CDH13: variants seen among roughly 807,000 people sequenced by gnomAD.
The protein encoded by CDH13 is cadherin-13.
A neutral mutation model predicts 63.8 loss-of-function variants in CDH13; 24 were observed. That is an observed-to-expected ratio of 0.38 (90% CI 0.27 to 0.53). CDH13 has a LOEUF of 0.53. Among genes scored for constraint, CDH13 ranks in the 20% least tolerant of loss-of-function variants. CDH13 has a pLI of 0.85. For missense variants in CDH13, 1,049 were observed against 903.1 expected (o/e 1.16, Z -2.07); for synonymous variants, 503 against 355.3 (o/e 1.42, Z -4.67).
rs370762119 is a variant in CDH13, at chr16:83,696,288, C to T, written c.1538+17827C>T. ...TCATGCTCAGTAGAGTGTGCAGGTTCGTTAAACACCTGTGATATCTTTTTA... is the reference window on the plus strand; with the variant it reads ...TCATGCTCAGTAGAGTGTGCAGGTTTGTTAAACACCTGTGATATCTTTTTA... On this transcript the variant is annotated intron_variant, in intron 10 of 13. Coordinates refer to ENST00000567109, the MANE Select transcript of CDH13 (RefSeq NM_001257.5). Among the ~76,000 whole-genome samples, 9 of 152,214 alleles carry T rather than the reference C, an allele frequency of 5.9e-5. No homozygotes were observed. In the South Asian group the frequency reaches 6.2e-4, roughly 11 times the overall value.
chr16:82,904,699 T>C (rs9922147), intron 2 of CDH13, among the ~76,000 whole-genome samples: 123,394 of 152,050 alleles, frequency 0.81, 50,356 homozygotes, highest in African/African-American at 0.89. Flanking sequence ...TGCAGCCTCC[T>C]CTCCCATCAC....
At chr16:83,162,106 G>T (rs150527153) in intron 4 of CDH13, among the ~76,000 whole-genome samples, 1 of 152,324 alleles carries the variant, frequency 6.6e-6, no homozygotes, top group African/African-American at 2.4e-5. Context: ...CTGCTTCTCA[G>T]ACGTGGCATT....
intron 7 of CDH13, among the ~76,000 whole-genome samples, chr16:83,578,609 C>A (rs562335856): frequency 6.6e-6 from 1 of 152,282 alleles, no homozygotes; most frequent in South Asian, 2.1e-4. Context: ...CAGGCATTGA[C>A]TCCACTGATG....
intron 1 of CDH13, among the ~76,000 whole-genome samples, chr16:82,758,954 C>T (rs913560336): frequency 6.6e-6 from 1 of 152,190 alleles, no homozygotes. Flanking sequence ...TTCTGCTAGT[C>T]CTTTGGTCCA....
chr16:82,684,647 G>C (rs1020164807), intron 1 of CDH13, among the ~76,000 whole-genome samples: 19 of 151,940 alleles, frequency 1.3e-4, no homozygotes, highest in African/African-American at 4.6e-4. Flanking sequence ...CCTACCTGGA[G>C]TCTCTACTGG....
chr16:83,697,168 G>T (rs951032439), intron 10 of CDH13, among the ~76,000 whole-genome samples: 1 of 152,134 alleles, frequency 6.6e-6, no homozygotes, highest in Non-Finnish European at 1.5e-5. Context: ...AATACTCATG[G>T]CGCTTTCATG....
intron 6 of CDH13, among the ~76,000 whole-genome samples, chr16:83,385,587 C>A (rs764478456): frequency 6.6e-6 from 1 of 152,158 alleles, no homozygotes; most frequent in African/African-American, 2.4e-5. Context: ...TACTCTAGAA[C>A]ATGGGGTCTC....
rs184890528 is a variant in CDH13, at chr16:83,707,148, T to C, written c.1538+28687T>C. On this transcript the variant is annotated intron_variant, in intron 10 of 13. Coordinates refer to ENST00000567109, the MANE Select transcript of CDH13 (RefSeq NM_001257.5). ...ACTGTTCCCGCTTCCCAATATGCCA[T>C]GCATGTTCACGCTCCAGAACTTGAC... Among the ~76,000 whole-genome samples the C allele has an allele frequency of 4.7e-3, 723 of 152,314 alleles. 6 individuals are homozygous for C. Among genetic ancestry groups the C allele is most frequent in the African/African-American group, 0.017 (697 of 41,570 alleles).
At chr16:82,627,203 G>A in intron 1 of CDH13, 66 bp downstream of exon 1, 1 of 1,439,450 alleles carries the variant, frequency 6.9e-7, no homozygotes, top group Admixed American at 1.9e-5. Flanking sequence ...CCCGGCACGG[G>A]CAGGGTGAGG....
chr16:83,027,049 T>C (rs1008228717), intron 2 of CDH13, among the ~76,000 whole-genome samples: 7 of 151,532 alleles, frequency 4.6e-5, no homozygotes, highest in African/African-American at 1.7e-4. Flanking sequence ...ACGGGCCTCT[T>C]ATCCCAATTC....
At chr16:83,490,979 T>C (rs2074000885) in intron 7 of CDH13, among the ~76,000 whole-genome samples, 1 of 152,208 alleles carries the variant, frequency 6.6e-6, no homozygotes, top group Non-Finnish European at 1.5e-5. Flanking sequence ...AGGCACTGGA[T>C]AAAGATCTGT....
chr16:82,712,896 C>T (rs1430256616), intron 1 of CDH13, among the ~76,000 whole-genome samples: 4 of 152,132 alleles, frequency 2.6e-5, no homozygotes, highest in Non-Finnish European at 4.4e-5. Context: ...TTTTCAGCTT[C>T]ATGTGGATCA....
intron 6 of CDH13, among the ~76,000 whole-genome samples, chr16:83,484,890 C>T (rs1598127833): frequency 6.6e-6 from 1 of 152,194 alleles, no homozygotes; most frequent in African/African-American, 2.4e-5. Flanking sequence ...GCTACCTAGA[C>T]CACTGTTTGA....
At chr16:83,772,899 G>T (rs1012776254) in intron 11 of CDH13, 1 of 152,224 alleles carries the variant, frequency 6.6e-6, no homozygotes, top group Non-Finnish European at 1.5e-5. Flanking sequence ...AGTTTGAAAG[G>T]CAAAGCCTTT....
At chr16:83,014,219 T>A (rs976399533) in intron 2 of CDH13, among the ~76,000 whole-genome samples, 3 of 149,132 alleles carry the variant, frequency 2.0e-5, no homozygotes, top group Non-Finnish European at 4.4e-5. Context: ...ATTTTCAAAC[T>A]AATACTACAC....
intron 2 of CDH13, among the ~76,000 whole-genome samples, chr16:83,014,653 C>T (rs1235430663): frequency 1.4e-5 from 2 of 147,462 alleles, no homozygotes; most frequent in Non-Finnish European, 3.0e-5. Context: ...ATTGCTTGAA[C>T]CTGGGAGGCA....
In CDH13 at chr16:82,917,231, C is replaced by T. The variant is rs564217475; in HGVS notation, c.157+58758C>T. Reference sequence around the variant, plus strand: ...AAGGGGCTAGCAGGTCCTGTGGAGCCGATGGGGCAGTGCAAAAGCCTGACC... The same window carrying T: ...AAGGGGCTAGCAGGTCCTGTGGAGCTGATGGGGCAGTGCAAAAGCCTGACC... On this transcript the variant is annotated intron_variant, in intron 2 of 13. Transcript: ENST00000567109. 5.9e-5 allele frequency among the ~76,000 whole-genome samples: 9 copies of T among 152,224 alleles called. No individual in the cohort carries two copies. In the East Asian group the frequency reaches 7.7e-4, roughly 13 times the overall value.
At chr16:83,125,645 G>T in intron 4 of CDH13, 144 bp downstream of exon 4, 1 of 537,362 alleles carries the variant, frequency 1.9e-6, no homozygotes, top group Non-Finnish European at 3.3e-6. Context: ...GTCATGAAAA[G>T]AATGTTGGAA....
At chr16:83,413,928 G>T (rs1204310514) in intron 6 of CDH13, among the ~76,000 whole-genome samples, 1 of 152,110 alleles carries the variant, frequency 6.6e-6, no homozygotes, top group Non-Finnish European at 1.5e-5. Flanking sequence ...GGAGGTGCAG[G>T]TTGCAGTAAG....
Sources: allele counts gnomAD v4.1 joint callset (sites outside exome capture counted in the v4.1 genomes callset), GRCh38; gene constraint gnomAD v4.1.1; transcripts MANE v1.5; gene names NCBI Gene and HGNC (gene_info 2026-07-23, HGNC 2026-07-21).